The following SMARCC1 variants were observed in gnomAD, a reference collection of about 807,000 sequenced individuals.
SMARCC1 encodes the protein SWI/SNF related BAF chromatin remodeling complex subunit C1, also known as SWI/SNF complex subunit SMARCC1.
A neutral mutation model predicts 147.4 loss-of-function variants in SMARCC1; 43 were observed. The ratio of observed to expected loss-of-function variants is 0.29; its 90% CI spans 0.23 to 0.38. The LOEUF (loss-of-function observed/expected upper bound fraction) is 0.38. SMARCC1 is among the 10% of genes least tolerant of loss of function. The pLI is 1.00. For synonymous variants in SMARCC1, 495 were observed against 484.4 expected (o/e 1.02, Z -0.29); for missense variants, 1,119 against 1,381.1 (o/e 0.81, Z 3.01).
intron 11 of SMARCC1, among the ~76,000 whole-genome samples, chr3:47,700,843 A>G (rs2106786954): frequency 6.6e-6 from 1 of 152,242 alleles, no homozygotes; most frequent in East Asian, 1.9e-4. Context: ...ATTTAATTAC[A>G]TTGAATAGAA....
chr3:47,636,094 C>T lies in SMARCC1; in HGVS notation c.2419G>A (p.Ala807Thr), dbSNP rs2032964563. Residue 807 changes from alanine (A) to threonine (T), a missense_variant, in exon 23 of 28, where the codon GCA (alanine) becomes ACA (threonine). By Grantham distance (58) the Ala-to-Thr change is moderately conservative. This residue lies in a region of SMARCC1 where 157 missense variants were observed against 158.6 expected (regional missense o/e 0.99). Coordinates refer to ENST00000254480, the MANE Select transcript of SMARCC1 (RefSeq NM_003074.4). The stretch of plus-strand genomic sequence containing the variant: ...TTTTTTTCATTTTCTCCATCTTGTG[C>T]TTTATCACCTTCATCCGTTTCATTT... ...VENETDEGDK[A>T]QDGENEKNSE... The T allele has an allele frequency of 6.2e-7, 1 of 1,609,094 alleles. No homozygotes were observed. Among genetic ancestry groups the T allele is most frequent in the African/African-American group, 1.3e-5 (1 of 74,952 alleles).
intron 11 of SMARCC1, among the ~76,000 whole-genome samples, chr3:47,695,332 T>C (rs750838721): frequency 2.0e-5 from 3 of 152,200 alleles, no homozygotes; most frequent in Non-Finnish European, 4.4e-5. Context: ...AAGTATGTAC[T>C]TTACAATAAT....
chr3:47,684,101 G>T (rs1321037580), intron 14 of SMARCC1, among the ~76,000 whole-genome samples: 2 of 151,522 alleles, frequency 1.3e-5, no homozygotes. Context: ...TTAGCCGGGC[G>T]TAGTGGCGGG....
In SMARCC1 at chr3:47,587,253, T is replaced by G. The variant is rs2032085620; in HGVS notation, c.*956A>C. 1 of 151,796 alleles carries G rather than the reference T, an allele frequency of 6.6e-6. No homozygotes were observed. Among genetic ancestry groups the G allele is most frequent in the South Asian group, 2.1e-4 (1 of 4,800 alleles). 9.4% of individuals were successfully genotyped at this position (151,796 alleles called of 1,614,324 possible). Reference sequence around the variant, plus strand: ...CTACTTTTTTTTTTCTTTTAAAGGGTTTTTTAAAGAGGGAGAAAAAAATGC... The same window carrying G: ...CTACTTTTTTTTTTCTTTTAAAGGGGTTTTTAAAGAGGGAGAAAAAAATGC... On this transcript the variant is annotated 3_prime_UTR_variant, in exon 28 of 28. Transcript: ENST00000254480.
At chr3:47,725,032 CAAAAAAAAAA>C (rs35548192) in intron 6 of SMARCC1, among the ~76,000 whole-genome samples, 7 of 31,642 alleles carry the variant, frequency 2.2e-4, no homozygotes, top group South Asian at 1.6e-3. Flanking sequence ...ACTGTCTCCA[CAAAAAAAAAA>C]AAAAAAAAAA....
intron 21 of SMARCC1, among the ~76,000 whole-genome samples, chr3:47,656,451 A>C (rs192257101): frequency 6.6e-6 from 1 of 152,370 alleles, no homozygotes; most frequent in East Asian, 1.9e-4. Context: ...CTAACCAGCA[A>C]AGGTAAATTG....
chr3:47,704,059 A>G (rs942730436), intron 10 of SMARCC1, among the ~76,000 whole-genome samples: 1 of 152,124 alleles, frequency 6.6e-6, no homozygotes, highest in Non-Finnish European at 1.5e-5. Flanking sequence ...CGGCCTCCCA[A>G]AGTGCTGGGA....
intron 22 of SMARCC1, among the ~76,000 whole-genome samples, chr3:47,638,031 T>C (rs2032994361): frequency 6.6e-6 from 1 of 152,220 alleles, no homozygotes; most frequent in Non-Finnish European, 1.5e-5. Context: ...TATTCTGTCA[T>C]TCTCTCCTGG....
At chr3:47,670,506 C>A in intron 19 of SMARCC1, 152 bp downstream of exon 19, 1 of 627,186 alleles carries the variant, frequency 1.6e-6, no homozygotes, top group Non-Finnish European at 2.9e-6. Context: ...ATCGCCTGAG[C>A]CTGGGAGGTA....
intron 24 of SMARCC1, 32 bp from the exon 25 acceptor site, chr3:47,622,373 G>T: frequency 6.2e-7 from 1 of 1,605,404 alleles, no homozygotes; most frequent in Non-Finnish European, 8.5e-7. Context: ...AGCTATTTAG[G>T]TAAACATTTG....
chr3:47,714,953 G>A (rs2106803017), intron 7 of SMARCC1, among the ~76,000 whole-genome samples: 1 of 152,184 alleles, frequency 6.6e-6, no homozygotes, highest in South Asian at 2.1e-4. Flanking sequence ...TCAAGACTAA[G>A]ATCAAAAAAT....
chr3:47,653,601 T>C (rs1232496904), intron 21 of SMARCC1, among the ~76,000 whole-genome samples: 2 of 152,224 alleles, frequency 1.3e-5, no homozygotes, highest in Non-Finnish European at 2.9e-5. Flanking sequence ...CCTACTACAA[T>C]TTTGTTGAGC....
chr3:47,648,536 G>A (rs1457436647), intron 21 of SMARCC1, among the ~76,000 whole-genome samples: 3 of 152,048 alleles, frequency 2.0e-5, no homozygotes, highest in East Asian at 3.9e-4. Flanking sequence ...ACAAGTGTGT[G>A]TCACCATATC....
At chr3:47,638,553 T>C (rs1277504834) in intron 22 of SMARCC1, among the ~76,000 whole-genome samples, 172 bp downstream of exon 22, 2 of 152,130 alleles carry the variant, frequency 1.3e-5, no homozygotes, top group African/African-American at 4.8e-5. Flanking sequence ...AGTGAACAAA[T>C]GAAAAATGTC....
intron 26 of SMARCC1, among the ~76,000 whole-genome samples, chr3:47,605,817 G>GTT (rs1461365529): frequency 1.3e-5 from 2 of 152,078 alleles, no homozygotes; most frequent in African/African-American, 4.8e-5. Flanking sequence ...CATAATAAAT[G>GTT]TAATTGTGGT....
intron 21 of SMARCC1, among the ~76,000 whole-genome samples, chr3:47,645,433 C>T (rs1576397586): frequency 6.6e-6 from 1 of 152,092 alleles, no homozygotes; most frequent in Non-Finnish European, 1.5e-5. Flanking sequence ...AAATTACAGG[C>T]TACCTGGCTG....
intron 9 of SMARCC1, among the ~76,000 whole-genome samples, chr3:47,709,948 T>C (rs529023117): frequency 4.6e-5 from 7 of 152,148 alleles, no homozygotes; most frequent in South Asian, 2.1e-4. Context: ...GAAAAGTGGA[T>C]TGAACTATAA....
intron 21 of SMARCC1, among the ~76,000 whole-genome samples, chr3:47,653,931 A>T (rs1278970289): frequency 1.3e-5 from 2 of 152,136 alleles, no homozygotes; most frequent in Non-Finnish European, 2.9e-5. Context: ...TAGCAGTCTA[A>T]CCTCTGCATG....
chr3:47,754,978 G>A (rs1405430728), intron 2 of SMARCC1, among the ~76,000 whole-genome samples: 1 of 152,206 alleles, frequency 6.6e-6, no homozygotes, highest in African/African-American at 2.4e-5. Flanking sequence ...AGGAGGCACA[G>A]GCTGCAGTGA....
Sources: allele counts gnomAD v4.1 joint callset (sites outside exome capture counted in the v4.1 genomes callset), GRCh38; gene constraint gnomAD v4.1.1; regional missense constraint gnomAD v4.1.1; transcripts MANE v1.5; gene names NCBI Gene and HGNC (gene_info 2026-07-23, HGNC 2026-07-21).